Variants in GRIN2B observed in about 807,000 individuals in gnomAD.
GRIN2B encodes glutamate ionotropic receptor NMDA type subunit 2B, also known as glutamate receptor ionotropic, NMDA 2B.
GRIN2B carries 5 observed loss-of-function variants against 114.5 expected under a neutral mutation model. That is an observed-to-expected ratio of 0.04 (90% CI 0.02 to 0.09). The LOEUF (loss-of-function observed/expected upper bound fraction) is 0.09, where lower values mean the gene tolerates loss of function less well. GRIN2B is among the 10% of genes least tolerant of loss of function. The pLI, the probability that GRIN2B is intolerant of heterozygous loss-of-function variation, is 1.00. For missense variants in GRIN2B, 1,108 were observed against 1,943.5 expected (o/e 0.57, Z 8.08); for synonymous variants, 787 against 745.1 (o/e 1.06, Z -0.92).
intron 3 of GRIN2B, among the ~76,000 whole-genome samples, chr12:13,820,216 G>C (rs184869766): frequency 1.0e-3 from 157 of 152,174 alleles, no homozygotes; most frequent in Non-Finnish European, 7.4e-5. Flanking sequence ...GCCCCCAAGA[G>C]AAAAAGAGAC....
chr12:13,882,210 C>T (rs138574245), intron 2 of GRIN2B, among the ~76,000 whole-genome samples: 1 of 152,314 alleles, frequency 6.6e-6, no homozygotes, highest in East Asian at 1.9e-4. Flanking sequence ...ACCTAGAATG[C>T]TCTTGAAGGG....
intron 10 of GRIN2B, among the ~76,000 whole-genome samples, chr12:13,582,777 C>A (rs769117799): frequency 6.6e-6 from 1 of 152,130 alleles, no homozygotes; most frequent in Admixed American, 6.5e-5. Flanking sequence ...ATTCTCCTGT[C>A]ATCACCCTCC....
chr12:13,607,222 A>T (rs1355232457), intron 10 of GRIN2B, among the ~76,000 whole-genome samples: 2 of 102,824 alleles, frequency 1.9e-5, no homozygotes, highest in East Asian at 2.3e-4. Flanking sequence ...AATATATATA[A>T]AATATATAAT....
intron 3 of GRIN2B, among the ~76,000 whole-genome samples, chr12:13,777,297 T>C (rs1864023014): frequency 6.6e-6 from 1 of 152,178 alleles, no homozygotes; most frequent in Non-Finnish European, 1.5e-5. Context: ...GAAGCTTCTT[T>C]TGCTCAAGAG....
At chr12:13,853,841 G>A (rs541504735) in intron 3 of GRIN2B, among the ~76,000 whole-genome samples, 20 of 152,250 alleles carry the variant, frequency 1.3e-4, no homozygotes, top group Non-Finnish European at 2.5e-4. Flanking sequence ...TTGCTGCCCC[G>A]AAATAATTAA....
chr12:13,923,049 G>A (rs1866849599), intron 2 of GRIN2B, among the ~76,000 whole-genome samples: 1 of 151,904 alleles, frequency 6.6e-6, no homozygotes, highest in Non-Finnish European at 1.5e-5. Flanking sequence ...GAAGCACCTG[G>A]CATTTTTCCT....
intron 3 of GRIN2B, among the ~76,000 whole-genome samples, chr12:13,755,285 A>G (rs1863557348): frequency 2.0e-5 from 3 of 152,212 alleles, no homozygotes; most frequent in Admixed American, 2.0e-4. Flanking sequence ...TTATTGAAAA[A>G]AATACAGGTT....
At chr12:13,722,092 C>T (rs1298881278) in intron 4 of GRIN2B, among the ~76,000 whole-genome samples, 1 of 152,008 alleles carries the variant, frequency 6.6e-6, no homozygotes, top group Admixed American at 6.6e-5. Flanking sequence ...AAGAACCATT[C>T]CATTAACACA....
chr12:13,863,278 C>G (rs1865776871), intron 3 of GRIN2B, among the ~76,000 whole-genome samples: 1 of 152,200 alleles, frequency 6.6e-6, no homozygotes, highest in African/African-American at 2.4e-5. Context: ...GTTATGTTCT[C>G]TTGTAGTTAG....
intron 4 of GRIN2B, among the ~76,000 whole-genome samples, chr12:13,735,416 C>A (rs1336967289): frequency 6.6e-6 from 1 of 152,122 alleles, no homozygotes; most frequent in Non-Finnish European, 1.5e-5. Context: ...TCTGGTCAAG[C>A]CTTGGGTCTC....
At chr12:13,733,823 C>T (rs553339651) in intron 4 of GRIN2B, among the ~76,000 whole-genome samples, 6 of 152,184 alleles carry the variant, frequency 3.9e-5, no homozygotes, top group African/African-American at 1.2e-4. Flanking sequence ...TCAGAAGGAA[C>T]GTAGGGCTCA....
At chr12:13,783,795 A>G (rs1864166186) in intron 3 of GRIN2B, among the ~76,000 whole-genome samples, 1 of 152,248 alleles carries the variant, frequency 6.6e-6, no homozygotes, top group African/African-American at 2.4e-5. Context: ...GCAGAACTCT[A>G]CAATCTACCT....
At position 13,564,266 on chromosome 12, in the gene GRIN2B, G is replaced by T; in HGVS notation, c.2972C>A (p.Pro991His). ...YQDHYHHHHR[P>H]HSIGSASSID... ...GGAGCTGGCACTGCCAATACTATGGGGCCGGTGGTGATGGTGGTAGTGATC... is the reference window on the plus strand; with the variant it reads ...GGAGCTGGCACTGCCAATACTATGGTGCCGGTGGTGATGGTGGTAGTGATC... Residue 991 changes from proline (P) to histidine (H), a missense_variant, in exon 14 of 14, where the codon CCC becomes CAC. This residue lies in a region of GRIN2B where 140 missense variants were observed against 187.5 expected (regional missense o/e 0.75). Coordinates refer to ENST00000609686, the MANE Select transcript of GRIN2B (RefSeq NM_000834.5). The surrounding 1 kb of genome is among the most constrained non-coding windows in gnomAD (Gnocchi z 4.8). 1 of 1,614,186 alleles carries T rather than the reference G, an allele frequency of 6.2e-7. No homozygotes were observed. Among genetic ancestry groups the T allele is most frequent in the Non-Finnish European group, 8.5e-7 (1 of 1,180,044 alleles).
At chr12:13,778,476 A>G (rs1472854179) in intron 3 of GRIN2B, among the ~76,000 whole-genome samples, 1 of 152,222 alleles carries the variant, frequency 6.6e-6, no homozygotes, top group Admixed American at 6.5e-5. Flanking sequence ...GGGAGGGGAC[A>G]GGGTCTTGTG....
intron 5 of GRIN2B, among the ~76,000 whole-genome samples, chr12:13,667,482 C>A (rs1264041342): frequency 6.6e-6 from 1 of 152,128 alleles, no homozygotes; most frequent in Non-Finnish European, 1.5e-5. Context: ...AAAAAGCAAT[C>A]TTATGGCATC....
At chr12:13,635,382 A>G (rs1949658186) in intron 5 of GRIN2B, among the ~76,000 whole-genome samples, 3 of 152,148 alleles carry the variant, frequency 2.0e-5, no homozygotes. Flanking sequence ...ATGGATACTT[A>G]TCTCATTTCT....
In GRIN2B at chr12:13,543,416, A is replaced by G. The variant is rs1262050577; in HGVS notation, c.*19367T>C. The G allele has an allele frequency of 6.6e-6, 1 of 152,108 alleles. No homozygotes were observed. Among genetic ancestry groups the G allele is most frequent in the African/African-American group, 2.4e-5 (1 of 41,386 alleles). 9.4% of individuals were successfully genotyped at this position (152,108 alleles called of 1,614,324 possible). A position where few individuals can be genotyped will look rare whatever the true frequency, so the allele number is the denominator to read the frequency against. On this transcript the variant is annotated 3_prime_UTR_variant, in exon 14 of 14. Transcript: ENST00000609686. ...TCCCTAAAAATCCTCACTTTCCTCTACACCCAGCTTAGATTCCATGACCAA... is the reference window on the plus strand; with the variant it reads ...TCCCTAAAAATCCTCACTTTCCTCTGCACCCAGCTTAGATTCCATGACCAA...
intron 3 of GRIN2B, among the ~76,000 whole-genome samples, chr12:13,794,677 TA>T (rs1864385877): frequency 6.6e-6 from 1 of 152,352 alleles, no homozygotes; most frequent in Non-Finnish European, 1.5e-5. Context: ...GAAATGAGAC[TA>T]AAAATAAATA....
At chr12:13,706,082 G>T (rs1950357353) in intron 4 of GRIN2B, among the ~76,000 whole-genome samples, 1 of 152,102 alleles carries the variant, frequency 6.6e-6, no homozygotes, top group Non-Finnish European at 1.5e-5. Flanking sequence ...GCTTCAAGGA[G>T]GCAGTAAACA....
Sources: gnomAD v4.1 joint callset for allele counts (sites outside exome capture counted in the v4.1 genomes callset) on GRCh38, gnomAD v4.1.1 for gene constraint, gnomAD v4.1.1 regional missense constraint, Gnocchi (gnomAD v3.1) non-coding constraint, MANE v1.5 for transcripts, NCBI Gene and HGNC (gene_info 2026-07-23, HGNC 2026-07-21) for gene names.